The following PRDM6 variants were observed in gnomAD, a reference collection of about 807,000 sequenced individuals.
PRDM6 encodes the protein PR/SET domain 6.
A neutral mutation model predicts 60.8 loss-of-function variants in PRDM6; 25 were observed. That is an observed-to-expected ratio of 0.41 (90% CI 0.30 to 0.57). The LOEUF (loss-of-function observed/expected upper bound fraction) is 0.57, where lower values mean the gene tolerates loss of function less well. Among genes scored for constraint, PRDM6 ranks in the 20% least tolerant of loss-of-function variants. The pLI is 0.27. For synonymous variants in PRDM6, 407 were observed against 357.4 expected (o/e 1.14, Z -1.57); for missense variants, 839 against 821.3 (o/e 1.02, Z -0.26).
intron 6 of PRDM6, among the ~76,000 whole-genome samples, chr5:123,171,515 A>T (rs746904997): frequency 2.0e-5 from 3 of 152,218 alleles, no homozygotes; most frequent in South Asian, 2.1e-4. Flanking sequence ...TATGAACTTA[A>T]TTAAGTACTA....
rs1481784027 is a variant in PRDM6 at position 123,139,143 on chromosome 5, G to A, written c.901-16741G>A. Among the ~76,000 whole-genome samples, 4 of 152,076 alleles carry A rather than the reference G, an allele frequency of 2.6e-5. No individual in the cohort carries two copies. The East Asian group carries it at 5.8e-4, about 22-fold the overall frequency. On this transcript the variant is annotated intron_variant, in intron 3 of 7. Transcript: ENST00000407847. ...TTTCCTGAGGCTTCTCCTACCATGC[G>A]GAACTGTGAGTCAATCAAACCTCTT...
At chr5:123,158,363 A>C (rs1765554411) in intron 4 of PRDM6, among the ~76,000 whole-genome samples, 1 of 152,208 alleles carries the variant, frequency 6.6e-6, no homozygotes. Context: ...TTGGAGATGC[A>C]GAGGGAGGAA....
At chr5:123,176,594 C>T (rs1766017667) in intron 6 of PRDM6, among the ~76,000 whole-genome samples, 1 of 152,022 alleles carries the variant, frequency 6.6e-6, no homozygotes. Context: ...GCCTGTAGTC[C>T]CAGCTACTCA....
In PRDM6 at chr5:123,188,353, T is replaced by G. The variant is rs1309930744; in HGVS notation, c.*1152T>G. On this transcript the variant is annotated 3_prime_UTR_variant, in exon 8 of 8. Coordinates refer to ENST00000407847, the MANE Select transcript of PRDM6 (RefSeq NM_001136239.4). ...ATTTTATCAATAGGATTACTTTGTC[T>G]TTTCTTGAGATTGATTAATTGAAAG... is the stretch of plus-strand genomic sequence containing the variant. 1 of 152,194 alleles carries G rather than the reference T, an allele frequency of 6.6e-6. No homozygotes were observed. The highest frequency in any genetic ancestry group is 2.4e-5 in the African/African-American group (1 of 41,440). The allele number at this position is 152,194 out of a possible 1,614,324, so 9.4% of individuals were successfully genotyped here. A position where few individuals can be genotyped will look rare whatever the true frequency, so the allele number is the denominator to read the frequency against.
chr5:123,118,101 C>G (rs1205765808), intron 3 of PRDM6, among the ~76,000 whole-genome samples: 1 of 152,160 alleles, frequency 6.6e-6, no homozygotes, highest in Non-Finnish European at 1.5e-5. Context: ...AGAGGGATAA[C>G]TGAGGAGATG....
rs1302104325 is a variant in PRDM6 at position 123,090,341 on chromosome 5, G to C, written c.327G>C (p.Ser109=). 4 of 1,474,420 alleles carry C rather than the reference G, an allele frequency of 2.7e-6. No homozygotes were observed. The highest frequency in any genetic ancestry group is 4.6e-5 in the Admixed American group (2 of 43,364). The allele number at this position is 1,474,420 out of a possible 1,614,324, so 91.3% of individuals were successfully genotyped here. Residue 109 remains serine (S), a synonymous_variant, in exon 2 of 8, where the codon TCG becomes TCC. Coordinates refer to ENST00000407847, the MANE Select transcript of PRDM6 (RefSeq NM_001136239.4). ...AAAAAALAGL[S]ALPVSQLPVF... Reference sequence around the variant, plus strand: ...CTGCCGCCGCGCTGGCTGGTCTCTCGGCCCTGCCGGTGTCGCAGCTGCCGG... The same window carrying C: ...CTGCCGCCGCGCTGGCTGGTCTCTCCGCCCTGCCGGTGTCGCAGCTGCCGG...
rs1446106793 is a variant in PRDM6 at position 123,090,176 on chromosome 5, G to A, written c.162G>A (p.Pro54=). 2.7e-6 allele frequency: 4 copies of A among 1,487,498 alleles called. No homozygotes were observed. The highest frequency in any genetic ancestry group is 2.4e-5 in the Admixed American group (1 of 42,260). The allele number at this position is 1,487,498 out of a possible 1,614,324, so 92.1% of individuals were successfully genotyped here. A position where few individuals can be genotyped will look rare whatever the true frequency, so the allele number is the denominator to read the frequency against. Residue 54 remains proline (P), a synonymous_variant, in exon 2 of 8, where the codon CCG becomes CCA. Transcript: ENST00000407847. ...LSAPQPLQPP[P]PPPPPERAEP... is the part of the protein sequence containing the mutation. Reference sequence around the variant, plus strand: ...CGCCGCAGCCTCTTCAGCCGCCGCCGCCGCCCCCGCCCCCGGAGCGCGCTG... The same window carrying A: ...CGCCGCAGCCTCTTCAGCCGCCGCCACCGCCCCCGCCCCCGGAGCGCGCTG...
intron 5 of PRDM6, among the ~76,000 whole-genome samples, chr5:123,166,909 A>G (rs1765765331): frequency 3.3e-5 from 5 of 152,218 alleles, no homozygotes; most frequent in East Asian, 1.9e-4. Flanking sequence ...GACTAGCTCA[A>G]TATTGCTTCT....
intron 3 of PRDM6, among the ~76,000 whole-genome samples, chr5:123,100,614 T>A (rs1209655298): frequency 6.6e-6 from 1 of 152,238 alleles, no homozygotes; most frequent in Non-Finnish European, 1.5e-5. Context: ...GCTTCTCTGA[T>A]GAACGGAAAT....
intron 6 of PRDM6, among the ~76,000 whole-genome samples, chr5:123,179,144 G>C (rs1468542294): frequency 6.6e-6 from 1 of 152,234 alleles, no homozygotes; most frequent in African/African-American, 2.4e-5. Flanking sequence ...GTAAGCAGAA[G>C]AACTTCTGTA....
chr5:123,189,288 T>C lies in PRDM6; in HGVS notation c.*2087T>C, dbSNP rs948731860. 7 of 152,200 alleles carry C rather than the reference T, an allele frequency of 4.6e-5. No homozygotes were observed. The highest frequency in any genetic ancestry group is 1.7e-4 in the African/African-American group (7 of 41,446). The allele number at this position is 152,200 out of a possible 1,614,324, so 9.4% of individuals were successfully genotyped here. A position where few individuals can be genotyped will look rare whatever the true frequency, so the allele number is the denominator to read the frequency against. Reference sequence around the variant, plus strand: ...GAGTAAGCTGTTCCATTTGTTAAGGTTGAAAGATTTACTCAAACTTTTTGA... The same window carrying C: ...GAGTAAGCTGTTCCATTTGTTAAGGCTGAAAGATTTACTCAAACTTTTTGA... On this transcript the variant is annotated 3_prime_UTR_variant, in exon 8 of 8. Coordinates refer to ENST00000407847, the MANE Select transcript of PRDM6 (RefSeq NM_001136239.4).
chr5:123,129,897 T>A (rs1263054938), intron 3 of PRDM6, among the ~76,000 whole-genome samples: 1 of 152,152 alleles, frequency 6.6e-6, no homozygotes, highest in East Asian at 1.9e-4. Flanking sequence ...AATTCCTGTT[T>A]ATAAAAATAG....
At position 123,150,200 on chromosome 5, in the gene PRDM6, T is replaced by C. The variant is rs573377922; in HGVS notation, c.901-5684T>C. On this transcript the variant is annotated intron_variant, in intron 3 of 7. Coordinates refer to ENST00000407847, the MANE Select transcript of PRDM6 (RefSeq NM_001136239.4). ...GATTATTATTAGCACCATTTTTTTTTCTCAGAAAAAGAAAGTCTCAGTTTC... is the reference window on the plus strand; with the variant it reads ...GATTATTATTAGCACCATTTTTTTTCCTCAGAAAAAGAAAGTCTCAGTTTC... Among the ~76,000 whole-genome samples the C allele has an allele frequency of 2.3e-4, 35 of 152,286 alleles. 1 individual carries two copies. In the South Asian group the frequency reaches 5.2e-3, roughly 23 times the overall value.
At chr5:123,121,953 G>C (rs1272224289) in intron 3 of PRDM6, among the ~76,000 whole-genome samples, 1 of 150,790 alleles carries the variant, frequency 6.6e-6, no homozygotes, top group Non-Finnish European at 1.5e-5. Context: ...CACGAGGTCA[G>C]GAGTTCGAGA....
chr5:123,153,225 G>T (rs1765411350), intron 3 of PRDM6, among the ~76,000 whole-genome samples: 1 of 150,226 alleles, frequency 6.7e-6, no homozygotes, highest in African/African-American at 2.4e-5. Flanking sequence ...AAAGGGCTAG[G>T]TTTTCTTTTC....
chr5:123,099,691 C>A lies in PRDM6; in HGVS notation c.630C>A (p.Cys210Ter). ...DMCADNRNGE[C>*]PMHGPLHSLR... ...GCGCGGACAACCGCAACGGCGAGTGCCCTATGCATGGGCCACTGCACTCGC... is the reference window on the plus strand; with the variant it reads ...GCGCGGACAACCGCAACGGCGAGTGACCTATGCATGGGCCACTGCACTCGC... The change falls in exon 3 of 8, where the codon TGC becomes TGA. Residue 210 changes from cysteine (C) to a stop codon, truncating the protein, a stop_gained. Transcript: ENST00000407847. LOFTEE classifies it high-confidence loss of function. This position sits in a 1 kb window ranked among gnomAD's most constrained non-coding sequence, Gnocchi z 4.0. 2 of 1,501,618 alleles carry A rather than the reference C, an allele frequency of 1.3e-6. No individual in the cohort carries two copies. The highest frequency in any genetic ancestry group is 1.8e-6 in the Non-Finnish European group (2 of 1,124,800). 93.0% of individuals were successfully genotyped at this position (1,501,618 alleles called of 1,614,324 possible). A position where few individuals can be genotyped will look rare whatever the true frequency, so the allele number is the denominator to read the frequency against.
chr5:123,126,338 T>G (rs1764693920), intron 3 of PRDM6, among the ~76,000 whole-genome samples: 1 of 151,736 alleles, frequency 6.6e-6, no homozygotes, highest in African/African-American at 2.4e-5. Flanking sequence ...TAGCATGAAA[T>G]GTCAAAGGAG....
At position 123,090,415 on chromosome 5, in the gene PRDM6, C is replaced by A. The variant is rs780374417; in HGVS notation, c.401C>A (p.Pro134His). Residue 134 changes from proline (P) to histidine (H), a missense_variant, in exon 2 of 8, where the codon CCC (proline) becomes CAC (histidine). By Grantham distance (77) the Pro-to-His change is moderately conservative (BLOSUM62 -2). This residue lies in a region of PRDM6 where 730 missense variants were observed against 648.8 expected (regional missense o/e 1.13). Coordinates refer to ENST00000407847, the MANE Select transcript of PRDM6 (RefSeq NM_001136239.4). ...AAAVAAEPLP[P>H]KELCLGATSG... ...GCCGTCGCCGCCGAGCCGCTGCCCC[C>A]CAAGGAACTGTGCCTCGGCGCCACC... 5 of 1,461,622 alleles carry A rather than the reference C, an allele frequency of 3.4e-6. No individual in the cohort carries two copies. In the African/African-American group the frequency reaches 4.4e-5, roughly 13 times the overall value. The allele number at this position is 1,461,622 out of a possible 1,614,324, so 90.5% of individuals were successfully genotyped here.
chr5:123,142,927 CA>C (rs59832599), intron 3 of PRDM6, among the ~76,000 whole-genome samples: 1,274 of 41,172 alleles, frequency 0.031, 21 homozygotes, highest in African/African-American at 0.1. Flanking sequence ...CAAAACAAAA[CA>C]AAAAAAAACT....
Sources: allele counts gnomAD v4.1 joint callset (sites outside exome capture counted in the v4.1 genomes callset), GRCh38; gene constraint gnomAD v4.1.1; regional missense constraint gnomAD v4.1.1; non-coding constraint Gnocchi (gnomAD v3.1); transcripts MANE v1.5; gene names NCBI Gene and HGNC (gene_info 2026-07-23, HGNC 2026-07-21).